The following TCF12 variants were observed in gnomAD, a reference collection of about 807,000 sequenced individuals.
The protein encoded by TCF12 is transcription factor 12, also known as DNA-binding protein HTF4.
A neutral mutation model predicts 86.0 loss-of-function variants in TCF12; 45 were observed. The ratio of observed to expected loss-of-function variants is 0.52; its 90% CI spans 0.41 to 0.67. The LOEUF is 0.67. Among genes scored for constraint, TCF12 ranks in the 30% least tolerant of loss-of-function variants. The pLI is 0.00. For missense variants in TCF12, 881 were observed against 859.9 expected (o/e 1.02, Z -0.31); for synonymous variants, 330 against 299.6 (o/e 1.10, Z -1.05).
At chr15:56,944,102 A>G (rs2060894458) in intron 3 of TCF12, among the ~76,000 whole-genome samples, 2 of 152,204 alleles carry the variant, frequency 1.3e-5, no homozygotes, top group African/African-American at 4.8e-5. Flanking sequence ...AACAAACATG[A>G]AAAACTTGAA....
intron 13 of TCF12, chr15:57,248,020 T>G (rs1180219555): frequency 1.4e-6 from 1 of 708,208 alleles, no homozygotes; most frequent in Admixed American, 2.0e-5. Context: ...ACGGCTGCAG[T>G]TGGGCAGCGG....
chr15:56,941,767 A>G (rs1332023345), intron 3 of TCF12, among the ~76,000 whole-genome samples: 1 of 151,796 alleles, frequency 6.6e-6, no homozygotes, highest in Non-Finnish European at 1.5e-5. Context: ...GCCCAGCCGG[A>G]AAAAGCATCT....
At chr15:57,149,809 G>C (rs1333089928) in intron 5 of TCF12, among the ~76,000 whole-genome samples, 2 of 152,176 alleles carry the variant, frequency 1.3e-5, no homozygotes, top group Non-Finnish European at 2.9e-5. Context: ...ATTTACAGAA[G>C]TCAAGTTTTG....
chr15:57,009,093 T>G lies in TCF12; in HGVS notation c.149-54657T>G, dbSNP rs1334956227. ...AAACCTTCTTTTCAATACTTAACTA[T>G]GAAAATTTGGTCCTGCTTTTTTGTT... On this transcript the variant is annotated intron_variant, in intron 3 of 20. Transcript: ENST00000333725. 7.2e-5 allele frequency among the ~76,000 whole-genome samples: 11 copies of G among 152,188 alleles called. 1 individual carries two copies. Among genetic ancestry groups the G allele is most frequent in the Admixed American group, 5.2e-4 (8 of 15,278 alleles).
chr15:57,012,123 G>C (rs1464600483), intron 3 of TCF12, among the ~76,000 whole-genome samples: 1 of 152,018 alleles, frequency 6.6e-6, no homozygotes, highest in East Asian at 1.9e-4. Flanking sequence ...TTTGCTTACA[G>C]AAAATGGAAT....
At chr15:57,173,647 C>T (rs1294923408) in intron 6 of TCF12, among the ~76,000 whole-genome samples, 1 of 151,434 alleles carries the variant, frequency 6.6e-6, no homozygotes. Flanking sequence ...AAATGAATTC[C>T]TTGAAAAATA....
intron 8 of TCF12, among the ~76,000 whole-genome samples, chr15:57,209,055 C>T (rs1263206946): frequency 6.6e-6 from 1 of 152,098 alleles, no homozygotes; most frequent in East Asian, 1.9e-4. Flanking sequence ...TCACCAGGCA[C>T]ATGATGTAGT....
At chr15:57,225,498 G>C (rs140335644) in intron 8 of TCF12, among the ~76,000 whole-genome samples, 89 of 152,110 alleles carry the variant, frequency 5.9e-4, no homozygotes, top group African/African-American at 2.0e-3. Flanking sequence ...ACCCGCCTCG[G>C]CCTCCCAAAG....
intron 3 of TCF12, among the ~76,000 whole-genome samples, chr15:56,964,128 G>A (rs1158465095): frequency 1.3e-5 from 2 of 152,160 alleles, no homozygotes; most frequent in Non-Finnish European, 2.9e-5. Context: ...ACTTTTATTT[G>A]TATGAGGTTT....
chr15:57,075,229 CTGAGTTTTT>C (rs1198784110), intron 4 of TCF12, among the ~76,000 whole-genome samples: 1 of 152,154 alleles, frequency 6.6e-6, no homozygotes, highest in Non-Finnish European at 1.5e-5. Context: ...GTTGACTTTT[CTGAGTTTTT>C]GCTGTGTGTG....
At chr15:57,219,718 TTC>T in intron 8 of TCF12, 12 of 663,084 alleles carry the variant, frequency 1.8e-5, no homozygotes, top group Non-Finnish European at 2.0e-5. Flanking sequence ...GATTGTAGAT[TTC>T]TTTTTTTTTT....
chr15:57,093,648 C>T (rs941035211), intron 5 of TCF12, among the ~76,000 whole-genome samples: 4 of 152,174 alleles, frequency 2.6e-5, no homozygotes, highest in Non-Finnish European at 5.9e-5. Context: ...AACAATATAT[C>T]TGTAATTCAC....
intron 3 of TCF12, among the ~76,000 whole-genome samples, chr15:56,986,941 C>T (rs986368722): frequency 1.3e-5 from 2 of 152,172 alleles, no homozygotes; most frequent in East Asian, 1.9e-4. Context: ...TTAAGGAACT[C>T]GTTTATTGAT....
chr15:57,064,452 G>A (rs553435419), intron 4 of TCF12, among the ~76,000 whole-genome samples: 1 of 152,208 alleles, frequency 6.6e-6, no homozygotes, highest in East Asian at 1.9e-4. Context: ...TGGAATAAAA[G>A]TAAGCACTCT....
At chr15:56,998,999 C>G (rs1051753852) in intron 3 of TCF12, among the ~76,000 whole-genome samples, 2 of 151,856 alleles carry the variant, frequency 1.3e-5, no homozygotes, top group Non-Finnish European at 2.9e-5. Flanking sequence ...GAGATCGAGA[C>G]CATCCTGGTT....
chr15:57,245,056 C>T (rs2059798275), intron 13 of TCF12, among the ~76,000 whole-genome samples: 1 of 152,198 alleles, frequency 6.6e-6, no homozygotes, highest in African/African-American at 2.4e-5. Flanking sequence ...TACCATATTC[C>T]TCCAACAACA....
chr15:57,002,324 C>T (rs1358288263), intron 3 of TCF12, among the ~76,000 whole-genome samples: 1 of 152,154 alleles, frequency 6.6e-6, no homozygotes, highest in Non-Finnish European at 1.5e-5. Context: ...AAAGGAATAA[C>T]CAAATACGCT....
chr15:57,178,183 T>C (rs528487698), intron 6 of TCF12, among the ~76,000 whole-genome samples: 2 of 152,258 alleles, frequency 1.3e-5, no homozygotes, highest in African/African-American at 4.8e-5. Context: ...GGGTAGGAGA[T>C]GGCAGAACAA....
chr15:57,050,580 A>G (rs1449094875), intron 3 of TCF12, among the ~76,000 whole-genome samples: 1 of 152,254 alleles, frequency 6.6e-6, no homozygotes, highest in African/African-American at 2.4e-5. Context: ...CATTGGATCT[A>G]CAGTTTTTTC....
Sources: allele counts gnomAD v4.1 joint callset (sites outside exome capture counted in the v4.1 genomes callset), GRCh38; gene constraint gnomAD v4.1.1; transcripts MANE v1.5; gene names NCBI Gene and HGNC (gene_info 2026-07-23, HGNC 2026-07-21).